NME7: variants seen among roughly 807,000 people sequenced by gnomAD.
NME7 encodes NME/NM23 family member 7, also known as nucleoside diphosphate kinase 7.
A neutral mutation model predicts 49.1 loss-of-function variants in NME7; 41 were observed. The observed-to-expected ratio is 0.83, with a 90% CI of 0.65 to 1.08. The LOEUF (loss-of-function observed/expected upper bound fraction) is 1.08, where lower values mean the gene tolerates loss of function less well. Among genes scored for constraint, NME7 ranks in the 50% least tolerant of loss-of-function variants. NME7 has a pLI of 0.00. For synonymous variants in NME7, 139 were observed against 150.6 expected, an observed-to-expected ratio of 0.92 and a Z score of 0.56; for missense variants, 423 against 463.4, an observed-to-expected ratio of 0.91 and a Z score of 0.80.
chr1:169,251,028 G>C (rs1571325984), intron 7 of NME7, among the ~76,000 whole-genome samples: 1 of 151,932 alleles, frequency 6.6e-6, no homozygotes, highest in Admixed American at 6.6e-5. Context: ...TTATTTCTTT[G>C]TTGACTTTCT....
Position 169,351,166 on chromosome 1 carries a change from T to G in NME7, c.3+16542A>C, listed in dbSNP as rs189039667. Among the ~76,000 whole-genome samples, 20 of 152,184 alleles carry G rather than the reference T, an allele frequency of 1.3e-4. No individual in the cohort carries two copies. The East Asian group carries it at 3.7e-3, about 28-fold the overall frequency. On this transcript the variant is annotated intron_variant, in intron 1 of 11. Coordinates refer to ENST00000367811, the MANE Select transcript of NME7 (RefSeq NM_013330.5). ...CAATATGTGAAATGTACTGATATTT[T>G]TATACCTTTTTTTAAAAGCTGTCTA... is the stretch of plus-strand genomic sequence containing the variant.
At chr1:169,335,333 A>T (rs1472254512) in intron 1 of NME7, among the ~76,000 whole-genome samples, 2 of 152,224 alleles carry the variant, frequency 1.3e-5, no homozygotes, top group East Asian at 1.9e-4. Context: ...GATAGACTGG[A>T]TAAAGAAAAT....
intron 1 of NME7, among the ~76,000 whole-genome samples, chr1:169,367,306 C>A (rs1232177689): frequency 2.0e-5 from 3 of 152,124 alleles, no homozygotes; most frequent in Non-Finnish European, 4.4e-5. Flanking sequence ...CAAAAAGACT[C>A]CAAGATCTAG....
chr1:169,357,755 C>G (rs1214423802), intron 1 of NME7, among the ~76,000 whole-genome samples: 1 of 152,026 alleles, frequency 6.6e-6, no homozygotes, highest in Non-Finnish European at 1.5e-5. Context: ...ATTTCTGAGT[C>G]TAAGTGGCAA....
chr1:169,225,796 G>C (rs1474352809), intron 10 of NME7, among the ~76,000 whole-genome samples: 2 of 152,044 alleles, frequency 1.3e-5, no homozygotes, highest in African/African-American at 2.4e-5. Flanking sequence ...CCAGCTATAA[G>C]AACTGGAAGG....
chr1:169,144,073 T>C (rs1658684598), intron 11 of NME7, among the ~76,000 whole-genome samples: 1 of 152,178 alleles, frequency 6.6e-6, no homozygotes, highest in South Asian at 2.1e-4. Flanking sequence ...TACCTTTCCA[T>C]GCTCATCTGC....
chr1:169,154,579 G>C (rs933309310), intron 11 of NME7, among the ~76,000 whole-genome samples: 21 of 152,032 alleles, frequency 1.4e-4, no homozygotes, highest in African/African-American at 5.1e-4. Flanking sequence ...AGGCCAAGGT[G>C]AGCAGATCAG....
At chr1:169,299,356 T>C (rs1650839373) in intron 5 of NME7, among the ~76,000 whole-genome samples, 2 of 152,106 alleles carry the variant, frequency 1.3e-5, no homozygotes, top group African/African-American at 4.8e-5. Flanking sequence ...ATTAAATTAT[T>C]AAAGTGTACG....
At chr1:169,190,776 G>A (rs927308716) in intron 10 of NME7, 5 of 330,192 alleles carry the variant, frequency 1.5e-5, no homozygotes, top group African/African-American at 7.1e-5. Flanking sequence ...TTTATCACAG[G>A]AAGGAAGCAA....
Position 169,132,683 on chromosome 1 carries a change from T to C in NME7, c.*102A>G. On this transcript the variant is annotated 3_prime_UTR_variant, in exon 12 of 12. Transcript: ENST00000367811. ...GTGCTCTTGTTGATCTTGTATTCAG[T>C]CAGGTTAAAACAACGGACAATAAAA... The C allele has an allele frequency of 9.3e-7, 1 of 1,074,718 alleles. No individual in the cohort carries two copies. Among genetic ancestry groups the C allele is most frequent in the Non-Finnish European group, 1.4e-6 (1 of 722,214 alleles). The allele number at this position is 1,074,718 out of a possible 1,614,324, so 66.6% of individuals were successfully genotyped here.
At chr1:169,297,068 G>A (rs1415183562) in intron 6 of NME7, among the ~76,000 whole-genome samples, 4 of 151,778 alleles carry the variant, frequency 2.6e-5, no homozygotes, top group African/African-American at 9.7e-5. Context: ...CCACCTCCCT[G>A]GTTCAAGCAA....
At chr1:169,261,263 T>C (rs1475713581) in intron 7 of NME7, among the ~76,000 whole-genome samples, 1 of 134,396 alleles carries the variant, frequency 7.4e-6, no homozygotes, top group Non-Finnish European at 1.8e-5. Flanking sequence ...AAAACTGTGC[T>C]ATGACTTTTG....
At chr1:169,234,134 A>G (rs1647757102) in intron 9 of NME7, among the ~76,000 whole-genome samples, 1 of 152,160 alleles carries the variant, frequency 6.6e-6, no homozygotes, top group African/African-American at 2.4e-5. Flanking sequence ...TTGACTCAGA[A>G]TTTTTAAGTC....
At chr1:169,348,713 T>A (rs1231580893) in intron 1 of NME7, among the ~76,000 whole-genome samples, 1 of 152,090 alleles carries the variant, frequency 6.6e-6, no homozygotes, top group East Asian at 1.9e-4. Context: ...ACAAATACCC[T>A]CAATTTTAGC....
At chr1:169,146,181 A>T (rs546284113) in intron 11 of NME7, among the ~76,000 whole-genome samples, 8 of 152,340 alleles carry the variant, frequency 5.3e-5, no homozygotes, top group African/African-American at 1.9e-4. Flanking sequence ...GTGAGAACAC[A>T]GCATTTAATA....
At chr1:169,339,196 G>A (rs74498354) in intron 1 of NME7, among the ~76,000 whole-genome samples, 2,194 of 152,234 alleles carry the variant, frequency 0.014, 46 homozygotes, top group African/African-American at 0.048. Flanking sequence ...ATATTTGTTT[G>A]TAAGTCTGTT....
At chr1:169,196,120 G>T (rs1428298796) in intron 10 of NME7, among the ~76,000 whole-genome samples, 1 of 152,194 alleles carries the variant, frequency 6.6e-6, no homozygotes, top group Non-Finnish European at 1.5e-5. Context: ...TATATGGATG[G>T]TGTTTCATTG....
At chr1:169,365,182 A>G (rs781032294) in intron 1 of NME7, among the ~76,000 whole-genome samples, 5 of 152,114 alleles carry the variant, frequency 3.3e-5, no homozygotes, top group Non-Finnish European at 7.4e-5. Context: ...ACACCTATAA[A>G]TTCATCCCCA....
chr1:169,363,946 G>T (rs551068044), intron 1 of NME7, among the ~76,000 whole-genome samples: 1 of 152,164 alleles, frequency 6.6e-6, no homozygotes, highest in Admixed American at 6.5e-5. Context: ...ACCAAAAACA[G>T]TATTGAGCAA....
Sources: allele counts gnomAD v4.1 joint callset (sites outside exome capture counted in the v4.1 genomes callset), GRCh38; gene constraint gnomAD v4.1.1; transcripts MANE v1.5; gene names NCBI Gene and HGNC (gene_info 2026-07-23, HGNC 2026-07-21).